Variants in HS6ST3 observed in about 807,000 individuals in gnomAD.
HS6ST3 encodes heparan-sulfate 6-O-sulfotransferase 3.
HS6ST3 carries 12 observed loss-of-function variants against 36.7 expected under a neutral mutation model. The ratio of observed to expected loss-of-function variants is 0.33; its 90% CI spans 0.21 to 0.53. HS6ST3 has a LOEUF of 0.53. Among genes scored for constraint, HS6ST3 ranks in the 20% least tolerant of loss-of-function variants. HS6ST3 has a pLI of 0.95. For synonymous variants in HS6ST3, 240 were observed against 257.5 expected, an observed-to-expected ratio of 0.93 and a Z score of 0.65; for missense variants, 584 against 640.9, an observed-to-expected ratio of 0.91 and a Z score of 0.96.
chr13:96,690,290 T>C (rs2138444547), intron 1 of HS6ST3, among the ~76,000 whole-genome samples: 1 of 152,234 alleles, frequency 6.6e-6, no homozygotes, highest in Admixed American at 6.5e-5. Context: ...TTTGGTTTGA[T>C]TACTCAGGTT....
intron 1 of HS6ST3, among the ~76,000 whole-genome samples, chr13:96,623,536 C>T (rs1016559969): frequency 5.9e-5 from 9 of 151,940 alleles, no homozygotes; most frequent in South Asian, 2.1e-4. Flanking sequence ...GTCTTGTTCA[C>T]GTTCAACCAA....
At chr13:96,650,375 C>A (rs1230831937) in intron 1 of HS6ST3, among the ~76,000 whole-genome samples, 2 of 151,866 alleles carry the variant, frequency 1.3e-5, no homozygotes, top group Admixed American at 6.6e-5. Context: ...CTTTGAAAGG[C>A]AATTCATCCT....
At chr13:96,116,783 A>C (rs1440171381) in intron 1 of HS6ST3, among the ~76,000 whole-genome samples, 5 of 152,200 alleles carry the variant, frequency 3.3e-5, no homozygotes, top group Non-Finnish European at 2.9e-5. Flanking sequence ...AGAGAGGTGC[A>C]TGGAGCCAAA....
In HS6ST3 at chr13:96,834,549, G is replaced by T. The variant is rs1354818094; in HGVS notation, c.*1351G>T. 2 of 152,406 alleles carry T rather than the reference G, an allele frequency of 1.3e-5. No homozygotes were observed. Among genetic ancestry groups the T allele is most frequent in the Non-Finnish European group, 2.9e-5 (2 of 68,038 alleles). The allele number at this position is 152,406 out of a possible 1,614,324, so 9.4% of individuals were successfully genotyped here. A position where few individuals can be genotyped will look rare whatever the true frequency, so the allele number is the denominator to read the frequency against. On this transcript the variant is annotated 3_prime_UTR_variant, in exon 2 of 2. Transcript: ENST00000376705. Reference sequence around the variant, plus strand: ...ACAAGAATTTTATTGACTAATAAGGGAATATGTATGGAAGAAGGAAGAGAA... The same window carrying T: ...ACAAGAATTTTATTGACTAATAAGGTAATATGTATGGAAGAAGGAAGAGAA...
intron 1 of HS6ST3, among the ~76,000 whole-genome samples, chr13:96,489,598 T>G (rs2055934772): frequency 6.6e-6 from 1 of 152,118 alleles, no homozygotes; most frequent in Admixed American, 6.6e-5. Flanking sequence ...CTTATATGTG[T>G]TGTCATATCA....
chr13:96,817,918 G>A (rs1878456525), intron 1 of HS6ST3, among the ~76,000 whole-genome samples: 2 of 152,266 alleles, frequency 1.3e-5, no homozygotes, highest in South Asian at 4.1e-4. Flanking sequence ...ATCATGTATT[G>A]ATTGCACAAA....
chr13:96,148,256 C>T (rs1009970644), intron 1 of HS6ST3, among the ~76,000 whole-genome samples: 9 of 152,214 alleles, frequency 5.9e-5, no homozygotes, highest in African/African-American at 1.7e-4. Flanking sequence ...CTTAAAGTCA[C>T]AGTTTCCAAG....
At chr13:96,764,187 A>G (rs1877039722) in intron 1 of HS6ST3, among the ~76,000 whole-genome samples, 2 of 152,222 alleles carry the variant, frequency 1.3e-5, no homozygotes, top group Non-Finnish European at 1.5e-5. Context: ...TTTAGCTCCA[A>G]TTGTTGTATT....
Position 96,702,176 on chromosome 13 carries a change from C to T in HS6ST3, c.708-130314C>T, listed in dbSNP as rs1875306038. Among the ~76,000 whole-genome samples, 3 of 152,084 alleles carry T rather than the reference C, an allele frequency of 2.0e-5. 1 individual carries two copies. The South Asian group carries it at 6.2e-4, about 32-fold the overall frequency. On this transcript the variant is annotated intron_variant, in intron 1 of 1. Coordinates refer to ENST00000376705, the MANE Select transcript of HS6ST3 (RefSeq NM_153456.4). ...TAGAGGCAACATTGGGTTATGGTTT[C>T]ATTTTAGTTGTGGGAAAAAAATCAC...
At chr13:96,546,297 A>G (rs2056197355) in intron 1 of HS6ST3, among the ~76,000 whole-genome samples, 1 of 152,052 alleles carries the variant, frequency 6.6e-6, no homozygotes, top group Admixed American at 6.6e-5. Context: ...AAAATTCTAG[A>G]GAACCATTAC....
chr13:96,607,134 G>T (rs1300107449), intron 1 of HS6ST3, among the ~76,000 whole-genome samples: 1 of 152,126 alleles, frequency 6.6e-6, no homozygotes, highest in Non-Finnish European at 1.5e-5. Context: ...ACTTAGAATT[G>T]TGAACATCAA....
intron 1 of HS6ST3, among the ~76,000 whole-genome samples, chr13:96,604,480 C>T (rs138996400): frequency 5.3e-5 from 8 of 152,160 alleles, no homozygotes; most frequent in African/African-American, 1.7e-4. Flanking sequence ...TTTATTTTAT[C>T]AGATACATTT....
rs144815606 is a variant in HS6ST3 at position 96,180,255 on chromosome 13, G to C, written c.707+88686G>C. ...TGCATTAGTCAGGGGCTCTAAAACA[G>C]ATGACCAAATGCCTAAAGCTACACT... is the stretch of plus-strand genomic sequence containing the variant. On this transcript the variant is annotated intron_variant, in intron 1 of 1. Coordinates refer to ENST00000376705, the MANE Select transcript of HS6ST3 (RefSeq NM_153456.4). Among the ~76,000 whole-genome samples the C allele has an allele frequency of 1.9e-4, 29 of 152,284 alleles. 1 individual carries two copies. The highest frequency in any genetic ancestry group is 3.3e-4 in the Admixed American group (5 of 15,304).
intron 1 of HS6ST3, among the ~76,000 whole-genome samples, chr13:96,778,297 T>G (rs1171514862): frequency 6.6e-6 from 1 of 152,102 alleles, no homozygotes; most frequent in Non-Finnish European, 1.5e-5. Context: ...CCAAAGGCAA[T>G]GGCAACAAAA....
At position 96,799,980 on chromosome 13, in the gene HS6ST3, ATG is replaced by A. The variant is rs1198959810; in HGVS notation, c.708-32508_708-32507del. Among the ~76,000 whole-genome samples, 183 of 76,620 alleles carry A rather than the reference ATG, an allele frequency of 2.4e-3. 11 individuals carry two copies. Among genetic ancestry groups the A allele is most frequent in the African/African-American group, 0.013 (181 of 13,760 alleles). The allele number at this position is 76,620 out of a possible 152,430, so 50.3% of individuals were successfully genotyped here. A position where few individuals can be genotyped will look rare whatever the true frequency, so the allele number is the denominator to read the frequency against. On this transcript the variant is annotated intron_variant, in intron 1 of 1. Transcript: ENST00000376705. ...TATATATATGTGTATATATATATAT[ATG>A]TATATATATATATATGTATATATAT...
chr13:96,674,827 CAAAAA>C, intron 1 of HS6ST3, among the ~76,000 whole-genome samples: 1 of 152,240 alleles, frequency 6.6e-6, no homozygotes, highest in East Asian at 1.9e-4. Flanking sequence ...GCTCTGATTT[CAAAAA>C]TTGTGTTGAT....
chr13:96,311,741 C>T (rs1452288615), intron 1 of HS6ST3, among the ~76,000 whole-genome samples: 3 of 152,182 alleles, frequency 2.0e-5, no homozygotes, highest in Admixed American at 6.5e-5. Flanking sequence ...ATTCAGAGTT[C>T]GAAAGAGATT....
chr13:96,576,102 C>T (rs972043892), intron 1 of HS6ST3, among the ~76,000 whole-genome samples: 8 of 148,560 alleles, frequency 5.4e-5, no homozygotes, highest in African/African-American at 1.9e-4. Context: ...GGAGCGGGGG[C>T]ACATGTGAGA....
At chr13:96,140,841 G>T (rs1338060295) in intron 1 of HS6ST3, among the ~76,000 whole-genome samples, 1 of 152,104 alleles carries the variant, frequency 6.6e-6, no homozygotes, top group East Asian at 1.9e-4. Flanking sequence ...AGATCATTAC[G>T]TGACAACTTA....
Sources: allele counts gnomAD v4.1 joint callset (sites outside exome capture counted in the v4.1 genomes callset), GRCh38; gene constraint gnomAD v4.1.1; transcripts MANE v1.5; gene names NCBI Gene and HGNC (gene_info 2026-07-23, HGNC 2026-07-21).